The following MEGF9 variants were observed in gnomAD, a reference collection of about 807,000 sequenced individuals.
MEGF9 encodes multiple epidermal growth factor-like domains protein 9.
MEGF9 carries 6 observed loss-of-function variants against 46.8 expected under a neutral mutation model. The observed-to-expected ratio is 0.13, with a 90% CI of 0.07 to 0.25. The LOEUF (loss-of-function observed/expected upper bound fraction) is 0.25, where lower values mean the gene tolerates loss of function less well. MEGF9 is among the 10% of genes least tolerant of loss of function. MEGF9 has a pLI of 1.00. For missense variants in MEGF9, 683 were observed against 792.4 expected, an observed-to-expected ratio of 0.86 and a Z score of 1.66; for synonymous variants, 302 against 330.7, an observed-to-expected ratio of 0.91 and a Z score of 0.94.
At chr9:120,618,527 G>A (rs1042078917) in intron 3 of MEGF9, among the ~76,000 whole-genome samples, 68 of 152,214 alleles carry the variant, frequency 4.5e-4, no homozygotes, top group African/African-American at 1.6e-3. Context: ...CATTTTAAGG[G>A]AAACGTGCTT....
Position 120,714,333 on chromosome 9 carries a change from A to G in MEGF9, c.26T>C (p.Met9Thr). The G allele has an allele frequency of 1.5e-6, 2 of 1,335,330 alleles. No homozygotes were observed. Among genetic ancestry groups the G allele is most frequent in the Non-Finnish European group, 1.9e-6 (2 of 1,041,084 alleles). The allele number at this position is 1,335,330 out of a possible 1,614,324, so 82.7% of individuals were successfully genotyped here. A position where few individuals can be genotyped will look rare whatever the true frequency, so the allele number is the denominator to read the frequency against. Residue 9 changes from methionine (M) to threonine (T), a missense_variant, in exon 1 of 6, where the codon ATG becomes ACG. Physicochemically the swap from Met to Thr is moderately conservative, Grantham distance 81 (BLOSUM62 -1). Around this residue, in one of 2 missense-constraint regions of MEGF9, gnomAD observed 370 missense variants for 371.3 expected, o/e 1.00. Coordinates refer to ENST00000373930, the MANE Select transcript of MEGF9 (RefSeq NM_001080497.3). ...GCCGCCCAGGCTCGGCAGGCTCCTC[A>G]TGGCGCGCTCGGCTCCGCCATTCAT... Reference protein sequence around the residue: MNGGAERAMRSLPSLGGLA... With the variant: MNGGAERATRSLPSLGGLA...
intron 1 of MEGF9, among the ~76,000 whole-genome samples, chr9:120,671,501 G>A (rs2132328255): frequency 6.6e-6 from 1 of 152,320 alleles, no homozygotes; most frequent in Non-Finnish European, 1.5e-5. Context: ...ATAACTCTAT[G>A]CACATAAATT....
At chr9:120,699,382 C>T (rs1283575992) in intron 1 of MEGF9, among the ~76,000 whole-genome samples, 1 of 151,668 alleles carries the variant, frequency 6.6e-6, no homozygotes, top group Non-Finnish European at 1.5e-5. Flanking sequence ...TCATTTTCTA[C>T]AATGTTTATT....
intron 1 of MEGF9, among the ~76,000 whole-genome samples, chr9:120,661,602 C>A (rs1365384876): frequency 1.3e-5 from 2 of 152,214 alleles, no homozygotes; most frequent in Non-Finnish European, 2.9e-5. Flanking sequence ...GGGTGGTTCA[C>A]AAAACCCAAA....
At chr9:120,665,980 G>A (rs2043723264) in intron 1 of MEGF9, among the ~76,000 whole-genome samples, 1 of 152,116 alleles carries the variant, frequency 6.6e-6, no homozygotes, top group Non-Finnish European at 1.5e-5. Flanking sequence ...CCTATGCCAT[G>A]TTGTTTTGGT....
chr9:120,634,444 A>ATATTTTTTTTTT (rs1564416834), intron 2 of MEGF9, among the ~76,000 whole-genome samples: 2 of 60,844 alleles, frequency 3.3e-5, no homozygotes, highest in Non-Finnish European at 3.3e-5. Context: ...TGTGTGGAAT[A>ATATTTTTTTTTT]TCTTTTTTTT....
At chr9:120,644,088 A>G (rs1017695032) in intron 2 of MEGF9, among the ~76,000 whole-genome samples, 7 of 152,166 alleles carry the variant, frequency 4.6e-5, no homozygotes, top group African/African-American at 1.7e-4. Context: ...AATACTATTA[A>G]CTACTCAGAT....
At chr9:120,659,623 C>A in intron 1 of MEGF9, 48 bp from the exon 2 acceptor site, 1 of 1,378,538 alleles carries the variant, frequency 7.3e-7, no homozygotes, top group Non-Finnish European at 9.8e-7. Context: ...GATTTAATGC[C>A]CTCTTAATAA....
intron 1 of MEGF9, among the ~76,000 whole-genome samples, chr9:120,694,893 T>A (rs1230820664): frequency 1.3e-5 from 2 of 152,132 alleles, no homozygotes; most frequent in East Asian, 3.8e-4. Flanking sequence ...GCTTTGAATT[T>A]CCCATTCACA....
intron 2 of MEGF9, 90 bp downstream of exon 2, chr9:120,659,284 G>C (rs955376277): frequency 9.6e-7 from 1 of 1,042,010 alleles, no homozygotes; most frequent in Non-Finnish European, 1.4e-6. Flanking sequence ...ATCCCCCTTT[G>C]TTTAAACCAG....
rs957832705 is a variant in MEGF9 at position 120,619,112 on chromosome 9, G to A, written c.943+3504C>T. On this transcript the variant is annotated intron_variant, in intron 3 of 5. Transcript: ENST00000373930. The stretch of plus-strand genomic sequence containing the variant: ...TGTAATCCCACCACTTTAGGAGGCC[G>A]AGGCAGGCGGATCACCTGAGGTCAG... 5.9e-5 allele frequency among the ~76,000 whole-genome samples: 9 copies of A among 152,132 alleles called. No individual in the cohort carries two copies. The East Asian group carries it at 7.8e-4, about 13-fold the overall frequency.
chr9:120,626,364 CAG>C (rs758393905), intron 2 of MEGF9, among the ~76,000 whole-genome samples: 7 of 152,230 alleles, frequency 4.6e-5, no homozygotes, highest in Non-Finnish European at 7.3e-5. Flanking sequence ...AAGGGATTCT[CAG>C]ATTTTCTTGT....
In MEGF9 at chr9:120,677,230, G is replaced by T. The variant is rs562568840; in HGVS notation, c.602-17655C>A. On this transcript the variant is annotated intron_variant, in intron 1 of 5. Coordinates refer to ENST00000373930, the MANE Select transcript of MEGF9 (RefSeq NM_001080497.3). The stretch of plus-strand genomic sequence containing the variant: ...CGCAGCCTCAACCTCCTTGCCTCAG[G>T]TTATCCTCCCACCTCAGCTTCCCAA... Among the ~76,000 whole-genome samples the T allele has an allele frequency of 2.0e-5, 3 of 151,998 alleles. No individual in the cohort carries two copies. In the East Asian group the frequency reaches 5.8e-4, roughly 29 times the overall value.
rs142644427 is a variant in MEGF9 at position 120,652,420 on chromosome 9, C to T, written c.803+6954G>A. On this transcript the variant is annotated intron_variant, in intron 2 of 5. Coordinates refer to ENST00000373930, the MANE Select transcript of MEGF9 (RefSeq NM_001080497.3). ...TGAGCCCAGGAGGTTGAGGCTGCAG[C>T]GAGCCATGATTGAGCCACATTGCAC... Among the ~76,000 whole-genome samples, 130 of 139,642 alleles carry T rather than the reference C, an allele frequency of 9.3e-4. 1 individual carries two copies. The highest frequency in any genetic ancestry group is 3.2e-3 in the African/African-American group (117 of 36,944). 91.6% of individuals were successfully genotyped at this position (139,642 alleles called of 152,430 possible).
Position 120,605,274 on chromosome 9 carries a change from C to T in MEGF9, c.1725G>A (p.Ser575=), listed in dbSNP as rs118083394. 5,048 of 1,614,006 alleles carry T rather than the reference C, an allele frequency of 3.1e-3. 9 individuals are homozygous for T. The highest frequency in any genetic ancestry group is 4.3e-3 in the Admixed American group (257 of 60,020). ...CATTGCCATCATCTTCCAACAATCC[C>T]GAAACATCTGCATTGGGAATGCTGT... ...YHDSIPNADV[S]GLLEDDGNEV... The change falls in exon 6 of 6, where the codon TCG becomes TCA. Residue 575 remains serine, a synonymous_variant. Coordinates refer to ENST00000373930, the MANE Select transcript of MEGF9 (RefSeq NM_001080497.3). The surrounding 1 kb of genome is among the most constrained non-coding windows in gnomAD (Gnocchi z 4.0).
intron 2 of MEGF9, among the ~76,000 whole-genome samples, chr9:120,638,061 C>T (rs2043586554): frequency 6.6e-6 from 1 of 152,050 alleles, no homozygotes; most frequent in Admixed American, 6.5e-5. Context: ...GATGCGATCA[C>T]AGCTCACTGC....
chr9:120,644,911 C>G (rs7048495), intron 2 of MEGF9, among the ~76,000 whole-genome samples: 2,322 of 152,170 alleles, frequency 0.015, 60 homozygotes, highest in African/African-American at 0.053. Context: ...AGTAAAATGC[C>G]CTATAAGAGA....
intron 2 of MEGF9, among the ~76,000 whole-genome samples, chr9:120,634,602 C>A (rs967798188): frequency 1.3e-5 from 2 of 151,918 alleles, no homozygotes; most frequent in Non-Finnish European, 2.9e-5. Context: ...ACTTTACTTT[C>A]AGTCTGTGTA....
At chr9:120,636,928 G>A (rs1401663692) in intron 2 of MEGF9, among the ~76,000 whole-genome samples, 1 of 152,234 alleles carries the variant, frequency 6.6e-6, no homozygotes, top group Non-Finnish European at 1.5e-5. Flanking sequence ...ACCCCGTCTG[G>A]GAGGTGTACC....
Sources: allele counts gnomAD v4.1 joint callset (sites outside exome capture counted in the v4.1 genomes callset), GRCh38; gene constraint gnomAD v4.1.1; regional missense constraint gnomAD v4.1.1; non-coding constraint Gnocchi (gnomAD v3.1); transcripts MANE v1.5; gene names NCBI Gene and HGNC (gene_info 2026-07-23, HGNC 2026-07-21).